Variants in MED12L observed in about 807,000 individuals in gnomAD.
MED12L encodes mediator of RNA polymerase II transcription subunit 12-like protein.
In MED12L, 60 loss-of-function variants were observed where a neutral mutation model predicts 281.3. The observed-to-expected ratio is 0.21, with a 90% CI of 0.17 to 0.26. The LOEUF is 0.26. Ranked by LOEUF, MED12L falls within the 10% of genes least tolerant of loss-of-function variation. The pLI is 1.00. For missense variants in MED12L, 2,146 were observed against 2,680.9 expected, an observed-to-expected ratio of 0.80 and a Z score of 4.41; for synonymous variants, 974 against 987.2, an observed-to-expected ratio of 0.99 and a Z score of 0.25.
At chr3:151,277,481 A>G (rs939804049) in intron 16 of MED12L, among the ~76,000 whole-genome samples, 3 of 152,092 alleles carry the variant, frequency 2.0e-5, no homozygotes, top group Non-Finnish European at 4.4e-5. Flanking sequence ...TATACAAACT[A>G]TTTATTTTTT....
intron 16 of MED12L, chr3:151,328,970 C>A (rs749193587): frequency 6.2e-7 from 1 of 1,612,488 alleles, no homozygotes; most frequent in Non-Finnish European, 8.5e-7. Flanking sequence ...TCTGTTGAAG[C>A]CTTGCATCAC....
chr3:151,368,798 G>A (rs1177152250), intron 25 of MED12L, among the ~76,000 whole-genome samples: 1 of 131,744 alleles, frequency 7.6e-6, no homozygotes, highest in Admixed American at 8.0e-5. Flanking sequence ...GTCTTACTGT[G>A]TCACCCAGGC....
At chr3:151,297,446 T>A (rs1222890215) in intron 16 of MED12L, among the ~76,000 whole-genome samples, 5 of 152,150 alleles carry the variant, frequency 3.3e-5, no homozygotes, top group Admixed American at 6.6e-5. Flanking sequence ...ACATGTGAGT[T>A]TAAATCGGAA....
intron 16 of MED12L, among the ~76,000 whole-genome samples, chr3:151,299,453 A>T (rs1288320631): frequency 1.7e-4 from 14 of 83,744 alleles, no homozygotes; most frequent in South Asian, 4.1e-4. Flanking sequence ...TTTCTTTTCT[A>T]TTTCCTCTCT....
chr3:151,257,632 A>T (rs1738076066), intron 16 of MED12L, among the ~76,000 whole-genome samples: 1 of 152,242 alleles, frequency 6.6e-6, no homozygotes, highest in African/African-American at 2.4e-5. Flanking sequence ...ATTATTTCGT[A>T]TATGGAGAAC....
intron 16 of MED12L, among the ~76,000 whole-genome samples, chr3:151,335,854 A>G (rs1380913517): frequency 5.3e-5 from 8 of 152,238 alleles, no homozygotes; most frequent in African/African-American, 1.9e-4. Context: ...CTCATAAAAC[A>G]TAGGTAATTT....
chr3:151,165,393 A>G (rs1720581177), intron 9 of MED12L, 27 bp from the exon 10 acceptor site: 1 of 1,586,596 alleles, frequency 6.3e-7, no homozygotes, highest in Middle Eastern at 1.7e-4. Flanking sequence ...TCCAAGCACA[A>G]GTTAATTAGA....
At chr3:151,295,090 TATA>T in intron 16 of MED12L, 1 of 1,613,634 alleles carries the variant, frequency 6.2e-7, no homozygotes, top group Non-Finnish European at 8.5e-7. Context: ...TTGCCACAAA[TATA>T]ATGAGATAAA....
intron 32 of MED12L, among the ~76,000 whole-genome samples, chr3:151,381,977 T>C (rs1159431457): frequency 2.0e-5 from 3 of 152,218 alleles, no homozygotes; most frequent in Admixed American, 2.0e-4. Flanking sequence ...AGTGGTTTTT[T>C]GTTTTTGTTT....
chr3:151,090,069 C>T (rs187441555), intron 2 of MED12L, among the ~76,000 whole-genome samples: 90 of 152,236 alleles, frequency 5.9e-4, no homozygotes, highest in Admixed American at 2.3e-3. Flanking sequence ...GCCTGGACAC[C>T]TGTCTAGCCA....
At chr3:151,221,185 A>G (rs1729273808) in intron 16 of MED12L, among the ~76,000 whole-genome samples, 1 of 152,224 alleles carries the variant, frequency 6.6e-6, no homozygotes, top group African/African-American at 2.4e-5. Flanking sequence ...CTAGCTGAAG[A>G]AATTTCTAAG....
chr3:151,436,184 TA>T lies in MED12L; in HGVS notation c.*3382del, dbSNP rs371206560. On this transcript the variant is annotated 3_prime_UTR_variant, in exon 45 of 45. Transcript: ENST00000687756. The stretch of plus-strand genomic sequence containing the variant: ...TTCAGTGTGAACAAATGGTGAATCA[TA>T]AGACAGTTCAGTGCTTATTTTCTGT... The T allele has an allele frequency of 4.6e-5, 7 of 153,084 alleles. No homozygotes were observed. Among genetic ancestry groups the T allele is most frequent in the African/African-American group, 1.7e-4 (7 of 41,546 alleles). The allele number at this position is 153,084 out of a possible 1,614,324, so 9.5% of individuals were successfully genotyped here.
At chr3:151,292,246 A>T (rs1744346084) in intron 16 of MED12L, among the ~76,000 whole-genome samples, 1 of 151,390 alleles carries the variant, frequency 6.6e-6, no homozygotes, top group Non-Finnish European at 1.5e-5. Context: ...TGAAGAGGAT[A>T]GGACATGTAC....
At chr3:151,402,179 T>G (rs1426937620) in intron 39 of MED12L, among the ~76,000 whole-genome samples, 1 of 152,242 alleles carries the variant, frequency 6.6e-6, no homozygotes, top group Non-Finnish European at 1.5e-5. Context: ...TTTCTATTAT[T>G]GGTGAAATCC....
intron 3 of MED12L, among the ~76,000 whole-genome samples, chr3:151,121,137 A>G (rs1157456788): frequency 6.6e-6 from 1 of 152,216 alleles, no homozygotes; most frequent in Non-Finnish European, 1.5e-5. Flanking sequence ...CTCTTGGTGC[A>G]AAGACCAAAT....
At chr3:151,245,834 C>G (rs1219415664) in intron 16 of MED12L, among the ~76,000 whole-genome samples, 37 of 150,972 alleles carry the variant, frequency 2.5e-4, no homozygotes, top group African/African-American at 9.0e-4. Context: ...CAAATTGTCC[C>G]TGTTTGCAGA....
At chr3:151,291,150 G>GTTTTTTTTTTTTTTTTTTTTTTT (rs59482240) in intron 16 of MED12L, among the ~76,000 whole-genome samples, 1 of 127,556 alleles carries the variant, frequency 7.8e-6, no homozygotes. Context: ...CTTGTTTTCT[G>GTTTTTTTTTTTTTTTTTTTTTTT]TTTTTTTTTT....
chr3:151,306,474 A>C (rs75744991), intron 16 of MED12L, among the ~76,000 whole-genome samples: 2,398 of 152,318 alleles, frequency 0.016, 63 homozygotes, highest in African/African-American at 0.054. Flanking sequence ...GCTTCTGAGT[A>C]GTGGAATAGG....
At chr3:151,269,769 A>G (rs1740531940) in intron 16 of MED12L, 1 of 425,542 alleles carries the variant, frequency 2.3e-6, no homozygotes, top group South Asian at 1.8e-5. Context: ...GTGGTGATCT[A>G]TTTTTAGAGT....
Sources: gnomAD v4.1 joint callset for allele counts (sites outside exome capture counted in the v4.1 genomes callset) on GRCh38, gnomAD v4.1.1 for gene constraint, MANE v1.5 for transcripts, NCBI Gene and HGNC (gene_info 2026-07-23, HGNC 2026-07-21) for gene names.